KALRN: variants seen among roughly 807,000 people sequenced by gnomAD.
KALRN encodes the protein kalirin RhoGEF kinase.
Under a neutral mutation model 353.7 loss-of-function variants are expected in KALRN, and 70 were observed. The observed-to-expected ratio is 0.20, with a 90% confidence interval of 0.16 to 0.24. The LOEUF is 0.24. KALRN is among the 10% of genes least tolerant of loss of function. The pLI, the probability that KALRN is intolerant of heterozygous loss-of-function variation, is 1.00. For missense variants in KALRN, 2,791 were observed against 3,756.7 expected (o/e 0.74, Z 6.72); for synonymous variants, 1,391 against 1,434.8 (o/e 0.97, Z 0.69).
chr3:124,196,616 T>C lies in KALRN; in HGVS notation c.74-31374T>C, dbSNP rs534334593. ...GCTACTTATTTCTAAATCTTCATTTTGTTTTCTTGATCATCTAAATACATA... is the reference window on the plus strand; with the variant it reads ...GCTACTTATTTCTAAATCTTCATTTCGTTTTCTTGATCATCTAAATACATA... On this transcript the variant is annotated intron_variant, in intron 1 of 59. Coordinates refer to ENST00000682506, the MANE Select transcript of KALRN (RefSeq NM_001388419.1). 2.6e-5 allele frequency among the ~76,000 whole-genome samples: 4 copies of C among 152,350 alleles called. No individual in the cohort carries two copies. The South Asian group carries it at 8.3e-4, about 32-fold the overall frequency.
chr3:124,404,390 C>G (rs922680656), intron 13 of KALRN, among the ~76,000 whole-genome samples: 2 of 152,176 alleles, frequency 1.3e-5, no homozygotes. Flanking sequence ...GACATGGTCT[C>G]TAGTCACTGA....
intron 6 of KALRN, among the ~76,000 whole-genome samples, chr3:124,323,129 T>C (rs1362066001): frequency 6.6e-6 from 1 of 152,236 alleles, no homozygotes; most frequent in East Asian, 1.9e-4. Flanking sequence ...GAATGTGAAC[T>C]GTAAGCTGTG....
Position 124,152,002 on chromosome 3 carries a change from G to A in KALRN, c.74-75988G>A, listed in dbSNP as rs113615405. Reference sequence around the variant, plus strand: ...GCCTGTTGATCTGGTCCTCCCTGTTGCCAGCATCTCCACCTTCTACAAAAT... The same window carrying A: ...GCCTGTTGATCTGGTCCTCCCTGTTACCAGCATCTCCACCTTCTACAAAAT... On this transcript the variant is annotated intron_variant, in intron 1 of 59. Transcript: ENST00000682506. 2,261 of 1,482,390 alleles carry A rather than the reference G, an allele frequency of 1.5e-3. 16 individuals carry two copies. The African/African-American group carries it at 0.022, about 15-fold the overall frequency. 91.8% of individuals were successfully genotyped at this position (1,482,390 alleles called of 1,614,324 possible).
intron 1 of KALRN, among the ~76,000 whole-genome samples, chr3:124,159,947 G>A (rs771328807): frequency 3.9e-5 from 6 of 151,910 alleles, no homozygotes; most frequent in Non-Finnish European, 8.8e-5. Flanking sequence ...GATTGAGATG[G>A]AGCAGGTGCT....
intron 38 of KALRN, among the ~76,000 whole-genome samples, chr3:124,653,758 T>G (rs1482282652): frequency 6.6e-6 from 1 of 152,262 alleles, no homozygotes; most frequent in African/African-American, 2.4e-5. Flanking sequence ...TAATTTTAGT[T>G]GGACCAAAGA....
chr3:124,209,643 A>G (rs984604793), intron 1 of KALRN, among the ~76,000 whole-genome samples: 3 of 152,190 alleles, frequency 2.0e-5, no homozygotes, highest in African/African-American at 7.2e-5. Flanking sequence ...AGAAACCACT[A>G]AGAAATTATA....
chr3:124,152,400 G>C (rs1188897662), intron 1 of KALRN: 3 of 1,224,286 alleles, frequency 2.5e-6, no homozygotes, highest in Non-Finnish European at 3.6e-6. Context: ...TCACACTATT[G>C]ATACCTCTGA....
intron 10 of KALRN, among the ~76,000 whole-genome samples, chr3:124,349,188 C>A (rs562757134): frequency 6.6e-6 from 1 of 152,058 alleles, no homozygotes; most frequent in African/African-American, 2.4e-5. Context: ...CATGGAGGAA[C>A]CTTGAAGACA....
At chr3:124,121,494 T>C (rs1033457136) in intron 1 of KALRN, among the ~76,000 whole-genome samples, 5 of 152,210 alleles carry the variant, frequency 3.3e-5, no homozygotes, top group Non-Finnish European at 7.3e-5. Context: ...CATTGCCATG[T>C]CTACAGTACT....
At chr3:124,496,260 A>G in intron 32 of KALRN, 51 bp from the exon 33 acceptor site, 1 of 1,404,544 alleles carries the variant, frequency 7.1e-7, no homozygotes, top group Non-Finnish European at 1.0e-6. Context: ...CTCTAAACCC[A>G]CAGTGGTTCC....
chr3:124,602,946 T>TGTTGTTGTTGTTTTGTTTTG (rs1306270170), intron 34 of KALRN, among the ~76,000 whole-genome samples: 79 of 151,522 alleles, frequency 5.2e-4, no homozygotes, highest in Middle Eastern at 6.8e-3. Context: ...CGTGGTTTTT[T>TGTTGTTGTTGTTTTGTTTTG]TTTTGTTGTT....
chr3:124,332,963 A>T lies in KALRN; in HGVS notation c.1417-1302A>T, dbSNP rs185482278. ...ACATACCTGAGACTGGGTAATTTAT[A>T]AAAAAAGAAAAAAAAGAGGTTTGAT... On this transcript the variant is annotated intron_variant, in intron 8 of 59. Transcript: ENST00000682506. Among the ~76,000 whole-genome samples the T allele has an allele frequency of 8.8e-3, 1,345 of 152,258 alleles. 12 individuals carry two copies. The highest frequency in any genetic ancestry group is 0.012 in the Non-Finnish European group (817 of 68,018).
intron 1 of KALRN, among the ~76,000 whole-genome samples, chr3:124,212,407 C>T (rs1056081551): frequency 3.2e-4 from 48 of 151,962 alleles, no homozygotes; most frequent in Non-Finnish European, 5.9e-5. Flanking sequence ...TTCTACTTTA[C>T]ATGTTGCGAG....
At chr3:124,648,114 C>T (rs1477651964) in intron 37 of KALRN, among the ~76,000 whole-genome samples, 1 of 152,228 alleles carries the variant, frequency 6.6e-6, no homozygotes, top group Non-Finnish European at 1.5e-5. Flanking sequence ...TTTAGGTCAA[C>T]CCTAGTTGCC....
intron 34 of KALRN, among the ~76,000 whole-genome samples, chr3:124,623,399 T>TACACACACGCACACACACACACAC (rs2079531539): frequency 1.8e-4 from 24 of 136,514 alleles, no homozygotes; most frequent in Non-Finnish European, 3.6e-4. Context: ...TATTTATTTA[T>TACACACACGCACACACACACACAC]ACACACACAC....
intron 54 of KALRN, among the ~76,000 whole-genome samples, chr3:124,696,933 T>G (rs2062080581): frequency 6.6e-6 from 1 of 152,118 alleles, no homozygotes; most frequent in Non-Finnish European, 1.5e-5. Context: ...AACTTTATTT[T>G]TTCTTGAGAC....
chr3:124,056,804 A>G (rs6438826), intron 1 of KALRN, among the ~76,000 whole-genome samples: 139,552 of 152,246 alleles, frequency 0.92, 64,669 homozygotes, highest in South Asian at 1. Context: ...CAGTATCCTT[A>G]GTTTATTTTT....
At chr3:124,468,924 A>G (rs2060615645) in intron 25 of KALRN, among the ~76,000 whole-genome samples, 1 of 152,236 alleles carries the variant, frequency 6.6e-6, no homozygotes, top group South Asian at 2.1e-4. Flanking sequence ...GGGGCTGATT[A>G]TAGACGTTAG....
At chr3:124,105,122 G>A (rs760633175) in intron 1 of KALRN, among the ~76,000 whole-genome samples, 1 of 152,126 alleles carries the variant, frequency 6.6e-6, no homozygotes, top group Non-Finnish European at 1.5e-5. Flanking sequence ...CCTATGGAGA[G>A]GAAGGAAGAG....
Sources: allele counts gnomAD v4.1 joint callset (sites outside exome capture counted in the v4.1 genomes callset), GRCh38; gene constraint gnomAD v4.1.1; transcripts MANE v1.5; gene names NCBI Gene and HGNC (gene_info 2026-07-23, HGNC 2026-07-21).